Variants in ERC1 observed in about 807,000 individuals in gnomAD.
ERC1 encodes RAB6 interacting protein 2.
Under a neutral mutation model 132.0 loss-of-function variants are expected in ERC1, and 56 were observed. The ratio of observed to expected loss-of-function variants is 0.42; its 90% confidence interval spans 0.34 to 0.53. The LOEUF is 0.53. Among genes scored for constraint, ERC1 ranks in the 20% least tolerant of loss-of-function variants. The pLI, the probability that ERC1 is intolerant of heterozygous loss-of-function variation, is 0.03. For missense variants in ERC1, 1,202 were observed against 1,349.9 expected (o/e 0.89, Z 1.72); for synonymous variants, 478 against 476.1 (o/e 1.00, Z -0.05).
At chr12:1,438,972 A>ATATATATATATATATATATATATAT (rs1246217572) in intron 17 of ERC1, among the ~76,000 whole-genome samples, 6 of 143,914 alleles carry the variant, frequency 4.2e-5, no homozygotes, top group African/African-American at 1.7e-4. Context: ...TATATATATA[A>ATATATATATATATATATATATATAT]AAAATGACAT....
chr12:1,038,509 C>T (rs766307126), intron 2 of ERC1, among the ~76,000 whole-genome samples: 1 of 152,008 alleles, frequency 6.6e-6, no homozygotes, highest in African/African-American at 2.4e-5. Flanking sequence ...TACAGGCACA[C>T]GCCACCATGC....
intron 1 of ERC1, among the ~76,000 whole-genome samples, chr12:993,626 G>A (rs1030913930): frequency 6.6e-5 from 10 of 152,078 alleles, no homozygotes; most frequent in African/African-American, 1.9e-4. Context: ...GTTCTTGGCC[G>A]GGCGCCGTGG....
intron 15 of ERC1, among the ~76,000 whole-genome samples, chr12:1,316,376 G>C (rs1402714759): frequency 6.6e-6 from 1 of 152,020 alleles, no homozygotes; most frequent in South Asian, 2.1e-4. Flanking sequence ...CTAGATTACT[G>C]TCACATATAC....
At chr12:1,446,900 G>A (rs1483779383) in intron 18 of ERC1, among the ~76,000 whole-genome samples, 1 of 151,972 alleles carries the variant, frequency 6.6e-6, no homozygotes, top group Non-Finnish European at 1.5e-5. Flanking sequence ...CACACCTGTA[G>A]TCCCAGCTAC....
At chr12:1,381,175 A>G (rs1452355055) in intron 16 of ERC1, 2 of 152,238 alleles carry the variant, frequency 1.3e-5, no homozygotes, top group Admixed American at 6.5e-5. Flanking sequence ...GCACATCAGC[A>G]TCAGCCTCCC....
intron 7 of ERC1, among the ~76,000 whole-genome samples, chr12:1,137,058 C>T (rs1949313219): frequency 1.3e-5 from 2 of 151,326 alleles, no homozygotes; most frequent in African/African-American, 4.8e-5. Context: ...CTTCTACTCA[C>T]CAGTTCTTTT....
chr12:1,430,251 A>C (rs1419404771), intron 17 of ERC1: 1 of 152,220 alleles, frequency 6.6e-6, no homozygotes, highest in Non-Finnish European at 1.5e-5. Flanking sequence ...CTAGAATCAT[A>C]AGTTACACAA....
chr12:1,436,777 G>A (rs1011140354), intron 17 of ERC1, among the ~76,000 whole-genome samples: 2 of 152,144 alleles, frequency 1.3e-5, no homozygotes, highest in African/African-American at 4.8e-5. Flanking sequence ...TTTTCCCTGT[G>A]ACCAACTGCC....
chr12:1,293,143 CAAAA>C (rs1219991623), intron 15 of ERC1, among the ~76,000 whole-genome samples: 1 of 95,204 alleles, frequency 1.1e-5, no homozygotes, highest in Non-Finnish European at 2.1e-5. Context: ...GACTCCATCT[CAAAA>C]AAAAAAAAAA....
At chr12:1,028,651 A>AT (rs1214906639) in intron 2 of ERC1, 79 bp downstream of exon 2, 1 of 1,194,306 alleles carries the variant, frequency 8.4e-7, no homozygotes, top group Admixed American at 2.3e-5. Flanking sequence ...CCTTTCCTAG[A>AT]TTTTTCCCTT....
intron 17 of ERC1, among the ~76,000 whole-genome samples, chr12:1,422,446 G>T (rs1038505580): frequency 2.0e-5 from 3 of 152,024 alleles, no homozygotes; most frequent in South Asian, 4.2e-4. Context: ...AGAAAGTATG[G>T]TATTTATCTC....
chr12:1,418,601 TTCTTTC>T (rs1395628567), intron 17 of ERC1, among the ~76,000 whole-genome samples: 9 of 41,572 alleles, frequency 2.2e-4, no homozygotes, highest in African/African-American at 9.8e-4. Context: ...CTTTCTTTCT[TTCTTTC>T]TTTCTTTCTT....
chr12:1,195,754 C>T (rs1448525326), intron 12 of ERC1, among the ~76,000 whole-genome samples: 1 of 152,040 alleles, frequency 6.6e-6, no homozygotes, highest in East Asian at 1.9e-4. Context: ...CTGAAACTGC[C>T]TCTGTGCTGC....
intron 17 of ERC1, among the ~76,000 whole-genome samples, chr12:1,409,782 C>T (rs2091732498): frequency 6.6e-6 from 1 of 152,178 alleles, no homozygotes. Context: ...GATCTCAGCT[C>T]ACTGCAACCT....
At chr12:1,408,281 C>T in intron 17 of ERC1, 34 bp downstream of exon 17, 1 of 1,486,992 alleles carries the variant, frequency 6.7e-7, no homozygotes, top group Non-Finnish European at 9.3e-7. Flanking sequence ...ATTAAAAAAC[C>T]CACACACTTA....
chr12:1,094,062 A>G (rs1943684415), intron 3 of ERC1, among the ~76,000 whole-genome samples: 1 of 146,536 alleles, frequency 6.8e-6, no homozygotes, highest in Non-Finnish European at 1.5e-5. Context: ...TCTGTCGCCC[A>G]GGCTGGGGTG....
At chr12:1,320,515 C>T (rs2082043333) in intron 15 of ERC1, among the ~76,000 whole-genome samples, 1 of 152,146 alleles carries the variant, frequency 6.6e-6, no homozygotes, top group South Asian at 2.1e-4. Context: ...TAAGTTACTT[C>T]TAACAGTTTG....
rs570803438 is a variant in ERC1 at position 1,055,051 on chromosome 12, T to TAAAAC, written c.669+26499_669+26503dup. ...GCCTTGGTGACAGGAGACCCCTACC[T>TAAAAC]AAAACAAAACAAAACAAAACAAAAA... is the stretch of plus-strand genomic sequence containing the variant. On this transcript the variant is annotated intron_variant, in intron 2 of 18. Transcript: ENST00000360905. Among the ~76,000 whole-genome samples the TAAAAC allele has an allele frequency of 1.4e-4, 22 of 152,228 alleles. No individual in the cohort carries two copies. In the South Asian group the frequency reaches 2.3e-3, roughly 16 times the overall value.
intron 15 of ERC1, among the ~76,000 whole-genome samples, chr12:1,304,110 G>T (rs915361232): frequency 6.6e-6 from 1 of 152,072 alleles, no homozygotes; most frequent in African/African-American, 2.4e-5. Context: ...TTGGGAGTTG[G>T]GAGAGAGGTA....
Sources: allele counts gnomAD v4.1 joint callset (sites outside exome capture counted in the v4.1 genomes callset), GRCh38; gene constraint gnomAD v4.1.1; transcripts MANE v1.5; gene names NCBI Gene and HGNC (gene_info 2026-07-23, HGNC 2026-07-21).